PUS7: variants seen among roughly 807,000 people sequenced by gnomAD.
PUS7 encodes pseudouridylate synthase 7 homolog.
Under a neutral mutation model 79.8 loss-of-function variants are expected in PUS7, and 48 were observed. That is an observed-to-expected ratio of 0.60 (90% CI 0.48 to 0.76). The LOEUF (loss-of-function observed/expected upper bound fraction) is 0.76. Among genes scored for constraint, PUS7 ranks in the 30% least tolerant of loss-of-function variants. The pLI is 0.00. For synonymous variants in PUS7, 286 were observed against 272.2 expected, an observed-to-expected ratio of 1.05 and a Z score of -0.50; for missense variants, 729 against 797.6, an observed-to-expected ratio of 0.91 and a Z score of 1.04.
At position 105,502,426 on chromosome 7, in the gene PUS7, A is replaced by G. The variant is rs1165667649; in HGVS notation, c.724T>C (p.Leu242=). 2.5e-6 allele frequency: 4 copies of G among 1,614,102 alleles called. No individual in the cohort carries two copies. In the Middle Eastern group the frequency reaches 5.0e-4, roughly 200 times the overall value. ...VAYHAAGKKA[L]ANPRKHSWPK... ...GCTGCTCACAGACACCTACTTGCCA[A>G]AGCCTTTTTCCCAGCTGCGTGGTAG... is the stretch of plus-strand genomic sequence containing the variant. Residue 242 remains leucine, a synonymous_variant, in exon 5 of 16, where the codon TTG becomes CTG. Transcript: ENST00000469408.
intron 11 of PUS7, among the ~76,000 whole-genome samples, chr7:105,469,018 C>T (rs1218180339): frequency 3.9e-5 from 6 of 152,018 alleles, no homozygotes; most frequent in Non-Finnish European, 7.4e-5. Context: ...TCTCCCACCC[C>T]AGCCTCTTGA....
intron 5 of PUS7, among the ~76,000 whole-genome samples, chr7:105,499,888 G>A (rs1307905749): frequency 1.3e-5 from 2 of 152,212 alleles, no homozygotes; most frequent in Non-Finnish European, 2.9e-5. Flanking sequence ...GGCTCAGGAG[G>A]ACAAGCTGTC....
At chr7:105,495,018 C>T (rs1288196424) in intron 6 of PUS7, 124 bp downstream of exon 6, 2 of 469,980 alleles carry the variant, frequency 4.3e-6, no homozygotes, top group Non-Finnish European at 7.7e-6. Flanking sequence ...AGAAAACTAT[C>T]ATTGGGAGGA....
At chr7:105,519,421 G>GTA (rs1342634878) in intron 1 of PUS7, among the ~76,000 whole-genome samples, 1 of 151,964 alleles carries the variant, frequency 6.6e-6, no homozygotes, top group Non-Finnish European at 1.5e-5. Flanking sequence ...TGTATTTTTA[G>GTA]TAGAGAGGGG....
chr7:105,459,062 A>C (rs577114265), intron 15 of PUS7, 106 bp downstream of exon 15: 17 of 564,374 alleles, frequency 3.0e-5, no homozygotes, highest in African/African-American at 2.5e-4. Flanking sequence ...CAATGAAATC[A>C]TGGGTGGTGG....
At chr7:105,465,725 C>T (rs1823614912) in intron 12 of PUS7, among the ~76,000 whole-genome samples, 2 of 151,900 alleles carry the variant, frequency 1.3e-5, no homozygotes, top group Admixed American at 6.6e-5. Flanking sequence ...CCCAGCTACT[C>T]GGGAGGCTGA....
Position 105,472,118 on chromosome 7 carries a change from A to G in PUS7, c.1237+14T>C, listed in dbSNP as rs1395971407. 1 of 1,567,804 alleles carries G rather than the reference A, an allele frequency of 6.4e-7. No individual in the cohort carries two copies. Among genetic ancestry groups the G allele is most frequent in the South Asian group, 1.1e-5 (1 of 87,214 alleles). ...ACATTCTATTTATTTTCTTAACATG[A>G]ATTTTATTCTCACCTCCAGAGCGGG... On this transcript the variant is annotated intron_variant, in intron 10 of 15. Coordinates refer to ENST00000469408, the MANE Select transcript of PUS7 (RefSeq NM_019042.5).
At chr7:105,521,315 T>TA (rs1356272211) in intron 1 of PUS7, among the ~76,000 whole-genome samples, 2 of 152,192 alleles carry the variant, frequency 1.3e-5, no homozygotes, top group African/African-American at 4.8e-5. Context: ...TTTTAAAAAC[T>TA]AAACTCTTTG....
chr7:105,460,525 T>G (rs1719936495), intron 14 of PUS7, among the ~76,000 whole-genome samples: 1 of 152,122 alleles, frequency 6.6e-6, no homozygotes, highest in Non-Finnish European at 1.5e-5. Flanking sequence ...ATTTTAAAAT[T>G]ATCAAATAAA....
intron 8 of PUS7, among the ~76,000 whole-genome samples, chr7:105,481,887 C>T (rs1299629107): frequency 1.3e-5 from 2 of 152,102 alleles, no homozygotes; most frequent in Admixed American, 6.6e-5. Flanking sequence ...TCTGCCACCA[C>T]GCCCGGCTAA....
At chr7:105,484,836 AG>A (rs1342847285) in intron 7 of PUS7, among the ~76,000 whole-genome samples, 1 of 145,104 alleles carries the variant, frequency 6.9e-6, no homozygotes, top group Non-Finnish European at 1.5e-5. Context: ...ACTCATACTT[AG>A]GATGTCACCA....
At chr7:105,516,437 C>CTACG (rs1825897768) in intron 1 of PUS7, among the ~76,000 whole-genome samples, 1 of 150,358 alleles carries the variant, frequency 6.7e-6, no homozygotes, top group African/African-American at 2.4e-5. Flanking sequence ...GAAAGGGAAG[C>CTACG]TGAAATGGAA....
intron 1 of PUS7, among the ~76,000 whole-genome samples, chr7:105,521,367 C>T (rs908444949): frequency 1.3e-5 from 2 of 152,210 alleles, no homozygotes; most frequent in Non-Finnish European, 2.9e-5. Context: ...CTTCTAAACA[C>T]CTCTGCGCAG....
chr7:105,510,340 C>G (rs547979185), intron 1 of PUS7, among the ~76,000 whole-genome samples: 4 of 151,804 alleles, frequency 2.6e-5, no homozygotes, highest in African/African-American at 9.7e-5. Context: ...TATTGTATAA[C>G]CACGCTTACT....
chr7:105,488,909 G>A (rs895743465), intron 7 of PUS7, among the ~76,000 whole-genome samples: 27 of 152,128 alleles, frequency 1.8e-4, no homozygotes, highest in Admixed American at 6.6e-5. Flanking sequence ...AGCACTTTGG[G>A]AGGCCAAGAC....
chr7:105,482,573 T>G (rs968798487), intron 7 of PUS7, 133 bp from the exon 8 acceptor site: 1 of 879,650 alleles, frequency 1.1e-6, no homozygotes, highest in Non-Finnish European at 1.7e-6. Flanking sequence ...GAAAAGGCAC[T>G]GCAGCAGGTG....
At chr7:105,478,999 T>A (rs117994971) in intron 9 of PUS7, among the ~76,000 whole-genome samples, 1 of 152,252 alleles carries the variant, frequency 6.6e-6, no homozygotes, top group Non-Finnish European at 1.5e-5. Context: ...TACAGGTTGA[T>A]ACAGTGCTCC....
At chr7:105,465,802 C>T (rs1823619208) in intron 12 of PUS7, among the ~76,000 whole-genome samples, 1 of 151,936 alleles carries the variant, frequency 6.6e-6, no homozygotes, top group Admixed American at 6.6e-5. Flanking sequence ...CATTGCACTC[C>T]AGCCTGGGTG....
rs1207050944 is a variant in PUS7 at position 105,456,772 on chromosome 7, A to G, written c.*1018T>C. On this transcript the variant is annotated 3_prime_UTR_variant, in exon 16 of 16. Transcript: ENST00000469408. ...CATTTTTATAGTTTTCTTCTCTACC[A>G]TTATTTATTTTTGAGCAAATACCAG... is the stretch of plus-strand genomic sequence containing the variant. 3 of 152,180 alleles carry G rather than the reference A, an allele frequency of 2.0e-5. No individual in the cohort carries two copies. Among genetic ancestry groups the G allele is most frequent in the Non-Finnish European group, 4.4e-5 (3 of 68,034 alleles). The allele number at this position is 152,180 out of a possible 1,614,324, so 9.4% of individuals were successfully genotyped here.
Sources: allele counts gnomAD v4.1 joint callset (sites outside exome capture counted in the v4.1 genomes callset), GRCh38; gene constraint gnomAD v4.1.1; transcripts MANE v1.5; gene names NCBI Gene and HGNC (gene_info 2026-07-23, HGNC 2026-07-21).